The following CACNA1D variants were observed in gnomAD, a reference collection of about 807,000 sequenced individuals.
CACNA1D encodes voltage-dependent L-type calcium channel subunit alpha-1D.
In CACNA1D, 55 loss-of-function variants were observed where a neutral mutation model predicts 257.1. The ratio of observed to expected loss-of-function variants is 0.21; its 90% CI spans 0.17 to 0.27. The LOEUF is 0.27. Among genes scored for constraint, CACNA1D ranks in the 10% least tolerant of loss-of-function variants. The probability of loss-of-function intolerance (pLI) is 1.00; values close to 1 mark genes in which losing one functional copy is unlikely to be tolerated. For synonymous variants in CACNA1D, 980 were observed against 1,014.9 expected (o/e 0.97, Z 0.65); for missense variants, 1,876 against 2,784.0 (o/e 0.67, Z 7.34).
At chr3:53,567,509 A>G (rs1178652761) in intron 3 of CACNA1D, among the ~76,000 whole-genome samples, 1 of 152,176 alleles carries the variant, frequency 6.6e-6, no homozygotes, top group African/African-American at 2.4e-5. Flanking sequence ...ACCTTAAAGA[A>G]TTCAGCCACC....
chr3:53,673,678 G>A lies in CACNA1D; in HGVS notation c.1220+552G>A. 6.7e-7 allele frequency: 1 copy of A among 1,489,372 alleles called. No individual in the cohort carries two copies. Among genetic ancestry groups the A allele is most frequent in the Non-Finnish European group, 9.4e-7 (1 of 1,066,072 alleles). 92.3% of individuals were successfully genotyped at this position (1,489,372 alleles called of 1,614,324 possible). On this transcript the variant is annotated intron_variant, in intron 8 of 47. Transcript: ENST00000350061. The surrounding 1 kb of genome is among the most constrained non-coding windows in gnomAD (Gnocchi z 4.1). ...ACTGGGGCTCTGCTCTTTAGTAAAT[G>A]GATAACTGATAACTGATCTCCTTAC...
chr3:53,803,712 G>A, intron 44 of CACNA1D, 140 bp downstream of exon 44: 1 of 789,242 alleles, frequency 1.3e-6, no homozygotes, highest in South Asian at 1.4e-5. Flanking sequence ...CAGGCCAGAG[G>A]GAGAGTGGAG....
chr3:53,770,426 C>A lies in CACNA1D; in HGVS notation c.3918C>A (p.Asn1306Lys). The A allele has an allele frequency of 6.2e-7, 1 of 1,613,436 alleles. No homozygotes were observed. The highest frequency in any genetic ancestry group is 8.5e-7 in the Non-Finnish European group (1 of 1,179,344). Residue 1306 changes from asparagine to lysine, a missense_variant and splice_region_variant, in exon 32 of 48, where the codon AAC becomes AAA. Transcript: ENST00000350061. The part of the protein sequence containing the change: ...NVPVPTATPG[N>K]SEESNRISIT... ...ACCTCTCCATGATAACCCTTCAGAA[C>A]TCTGAAGAGAGCAATAGAATCTCCA...
chr3:53,651,366 CTT>C (rs779207160), intron 4 of CACNA1D, among the ~76,000 whole-genome samples: 1,989 of 81,660 alleles, frequency 0.024, 37 homozygotes, highest in African/African-American at 0.084. Context: ...TATTAATTTT[CTT>C]TTTTTTTTTT....
At chr3:53,544,301 T>C (rs1214261176) in intron 3 of CACNA1D, among the ~76,000 whole-genome samples, 3 of 152,142 alleles carry the variant, frequency 2.0e-5, no homozygotes, top group Non-Finnish European at 4.4e-5. Flanking sequence ...CACATATAAT[T>C]ATAGAAATTA....
At chr3:53,780,596 A>G (rs778326475) in intron 38 of CACNA1D, among the ~76,000 whole-genome samples, 4 of 152,230 alleles carry the variant, frequency 2.6e-5, no homozygotes, top group Non-Finnish European at 5.9e-5. Context: ...TGCAGTGCCT[A>G]GCACACAGTC....
At chr3:53,742,331 T>C (rs1019121064) in intron 21 of CACNA1D, among the ~76,000 whole-genome samples, 2 of 152,226 alleles carry the variant, frequency 1.3e-5, no homozygotes, top group African/African-American at 4.8e-5. Flanking sequence ...TAAACTCTTT[T>C]TCCATCACCA....
intron 8 of CACNA1D, among the ~76,000 whole-genome samples, chr3:53,693,198 A>G (rs2094543673): frequency 6.6e-6 from 1 of 152,212 alleles, no homozygotes; most frequent in Non-Finnish European, 1.5e-5. Context: ...CTGCTGGAGA[A>G]TGCTGTCCCA....
chr3:53,707,582 T>G (rs933621260), intron 9 of CACNA1D, among the ~76,000 whole-genome samples: 2 of 152,208 alleles, frequency 1.3e-5, no homozygotes, highest in South Asian at 4.1e-4. Flanking sequence ...CCCTTTGAAG[T>G]GAGTTCCTGA....
chr3:53,618,168 C>T (rs2093657580), intron 3 of CACNA1D, among the ~76,000 whole-genome samples: 1 of 152,216 alleles, frequency 6.6e-6, no homozygotes, highest in South Asian at 2.1e-4. Context: ...CTCCTAGCAG[C>T]TGCACAGTAC....
chr3:53,552,754 G>A (rs2092560922), intron 3 of CACNA1D, among the ~76,000 whole-genome samples: 1 of 152,120 alleles, frequency 6.6e-6, no homozygotes, highest in South Asian at 2.1e-4. Context: ...TGGCATTGTA[G>A]TAGAAAGATA....
chr3:53,794,546 C>T (rs1346065619), intron 40 of CACNA1D, among the ~76,000 whole-genome samples: 1 of 152,158 alleles, frequency 6.6e-6, no homozygotes, highest in Non-Finnish European at 1.5e-5. Context: ...AAAGTCTACA[C>T]CTGAGGAAAA....
At chr3:53,598,178 A>G (rs2093395113) in intron 3 of CACNA1D, among the ~76,000 whole-genome samples, 2 of 152,180 alleles carry the variant, frequency 1.3e-5, no homozygotes, top group South Asian at 2.1e-4. Flanking sequence ...AATTTTCAAT[A>G]TTATACATTA....
intron 35 of CACNA1D, 57 bp downstream of exon 35, chr3:53,776,102 C>A: frequency 1.3e-6 from 2 of 1,498,866 alleles, no homozygotes; most frequent in Non-Finnish European, 9.3e-7. Flanking sequence ...TAGCAGTCAG[C>A]GTTCACACAA....
chr3:53,588,483 C>T (rs1282787951), intron 3 of CACNA1D, among the ~76,000 whole-genome samples: 1 of 152,118 alleles, frequency 6.6e-6, no homozygotes, highest in African/African-American at 2.4e-5. Flanking sequence ...ACGGGAGATG[C>T]TCCTTCTGCC....
At chr3:53,732,622 G>A (rs966544142) in intron 18 of CACNA1D, among the ~76,000 whole-genome samples, 193 bp from the exon 19 acceptor site, 1 of 151,998 alleles carries the variant, frequency 6.6e-6, no homozygotes, top group Non-Finnish European at 1.5e-5. Context: ...CACCAGACGG[G>A]GACACTTCTC....
chr3:53,648,042 T>G (rs1314352042), intron 3 of CACNA1D, among the ~76,000 whole-genome samples: 1 of 152,198 alleles, frequency 6.6e-6, no homozygotes, highest in Non-Finnish European at 1.5e-5. Flanking sequence ...GTGGCAAAAT[T>G]TCTTCTAAAT....
chr3:53,691,850 TATATA>T (rs2094528746), intron 8 of CACNA1D, among the ~76,000 whole-genome samples: 4 of 109,032 alleles, frequency 3.7e-5, no homozygotes, highest in South Asian at 2.4e-4. Context: ...ACATATATAA[TATATA>T]ATATATATTA....
In CACNA1D at chr3:53,691,880, AATATATATT is replaced by A. The variant is rs919601797; in HGVS notation, c.1221-10750_1221-10742del. ...AATATATATTATATATATTACATAT[AATATATATT>A]ATATATATTACATATATTATATATA... On this transcript the variant is annotated intron_variant, in intron 8 of 47. Coordinates refer to ENST00000350061, the MANE Select transcript of CACNA1D (RefSeq NM_001128840.3). Among the ~76,000 whole-genome samples the A allele has an allele frequency of 2.7e-5, 3 of 109,524 alleles. No homozygotes were observed. The East Asian group carries it at 8.6e-4, about 32-fold the overall frequency. 71.9% of individuals were successfully genotyped at this position (109,524 alleles called of 152,430 possible). A position where few individuals can be genotyped will look rare whatever the true frequency, so the allele number is the denominator to read the frequency against.
Sources: allele counts gnomAD v4.1 joint callset (sites outside exome capture counted in the v4.1 genomes callset), GRCh38; gene constraint gnomAD v4.1.1; non-coding constraint Gnocchi (gnomAD v3.1); transcripts MANE v1.5; gene names NCBI Gene and HGNC (gene_info 2026-07-23, HGNC 2026-07-21).